R3HDM1: variants seen among roughly 807,000 people sequenced by gnomAD.
R3HDM1 encodes R3H domain containing 1.
R3HDM1 carries 46 observed loss-of-function variants against 141.1 expected under a neutral mutation model. The observed-to-expected ratio is 0.33, with a 90% confidence interval of 0.26 to 0.42. R3HDM1 has a LOEUF of 0.42. R3HDM1 is among the 10% of genes least tolerant of loss of function. The pLI is 1.00. For missense variants in R3HDM1, 1,184 were observed against 1,368.3 expected, an observed-to-expected ratio of 0.87 and a Z score of 2.12; for synonymous variants, 435 against 472.9, an observed-to-expected ratio of 0.92 and a Z score of 1.04.
At chr2:135,586,988 T>C (rs1283369287) in intron 1 of R3HDM1, 7 of 984,898 alleles carry the variant, frequency 7.1e-6, no homozygotes, top group African/African-American at 3.5e-5. Context: ...TCAAAACTCA[T>C]GGTAACGGTT....
chr2:135,701,762 A>G (rs2074234844), intron 21 of R3HDM1, among the ~76,000 whole-genome samples: 1 of 152,144 alleles, frequency 6.6e-6, no homozygotes, highest in Admixed American at 6.5e-5. Flanking sequence ...GCAATTTAAA[A>G]CTTATAAAGT....
intron 2 of R3HDM1, among the ~76,000 whole-genome samples, chr2:135,604,359 A>G (rs980671289): frequency 6.6e-6 from 1 of 152,222 alleles, no homozygotes; most frequent in Non-Finnish European, 1.5e-5. Context: ...TTCTCCAGCC[A>G]TTACCTTCTA....
intron 5 of R3HDM1, among the ~76,000 whole-genome samples, chr2:135,617,607 A>G (rs1208863434): frequency 8.5e-5 from 13 of 152,144 alleles, no homozygotes; most frequent in Admixed American, 7.9e-4. Flanking sequence ...TAGGCAAACC[A>G]TTTAGTTTGC....
rs374047043 is a variant in R3HDM1, at chr2:135,645,963, A to G, written c.1623+436A>G. Among the ~76,000 whole-genome samples, 6 of 152,318 alleles carry G rather than the reference A, an allele frequency of 3.9e-5. No individual in the cohort carries two copies. In the East Asian group the frequency reaches 1.2e-3, roughly 29 times the overall value. On this transcript the variant is annotated intron_variant, in intron 16 of 26. Coordinates refer to ENST00000683871, the MANE Select transcript of R3HDM1 (RefSeq NM_001378107.1). Reference sequence around the variant, plus strand: ...ATCCATTCTACCTACCCTATGAAAGACAAAGCAGTTCTGAGTTAGAATTCC... The same window carrying G: ...ATCCATTCTACCTACCCTATGAAAGGCAAAGCAGTTCTGAGTTAGAATTCC...
chr2:135,621,113 A>G (rs1213289279), intron 5 of R3HDM1, among the ~76,000 whole-genome samples: 2 of 152,030 alleles, frequency 1.3e-5, no homozygotes, highest in Non-Finnish European at 2.9e-5. Context: ...ATACATTCGT[A>G]TTGTCATGAT....
At chr2:135,624,411 A>AG (rs1157159510) in intron 7 of R3HDM1, among the ~76,000 whole-genome samples, 2 of 151,178 alleles carry the variant, frequency 1.3e-5, no homozygotes, top group African/African-American at 4.9e-5. Context: ...AAAAAAAAAA[A>AG]GGAAAGTGAC....
At chr2:135,718,334 T>C (rs1575248318) in intron 24 of R3HDM1, among the ~76,000 whole-genome samples, 1 of 152,218 alleles carries the variant, frequency 6.6e-6, no homozygotes, top group East Asian at 1.9e-4. Flanking sequence ...ATTGATTGTA[T>C]TGTATGTTAA....
intron 15 of R3HDM1, among the ~76,000 whole-genome samples, chr2:135,644,560 T>G (rs995617522): frequency 3.3e-5 from 5 of 152,178 alleles, no homozygotes; most frequent in Admixed American, 3.3e-4. Context: ...AAGTTTACAA[T>G]TTGAAACATG....
chr2:135,716,031 CA>C (rs1295657551), intron 24 of R3HDM1, among the ~76,000 whole-genome samples: 2 of 152,140 alleles, frequency 1.3e-5, no homozygotes, highest in African/African-American at 4.8e-5. Context: ...TAATATATAT[CA>C]AAAGTTTATC....
rs192832331 is a variant in R3HDM1 at position 135,711,950 on chromosome 2, C to T, written c.2736+1719C>T. Among the ~76,000 whole-genome samples, 19 of 114,264 alleles carry T rather than the reference C, an allele frequency of 1.7e-4. No homozygotes were observed. The East Asian group carries it at 5.0e-3, about 30-fold the overall frequency. 75.0% of individuals were successfully genotyped at this position (114,264 alleles called of 152,430 possible). On this transcript the variant is annotated intron_variant, in intron 23 of 26. Transcript: ENST00000683871. ...CTCCAGCCTGGGTGACAGAGCGAGA[C>T]TCTGTCTAAAATTAAAAAAAAAAAA... is the stretch of plus-strand genomic sequence containing the variant.
intron 21 of R3HDM1, among the ~76,000 whole-genome samples, chr2:135,707,955 A>G (rs1030558930): frequency 1.3e-5 from 2 of 152,186 alleles, no homozygotes; most frequent in African/African-American, 4.8e-5. Flanking sequence ...ACTAATTCTT[A>G]TTAACTGTCA....
intron 1 of R3HDM1, among the ~76,000 whole-genome samples, chr2:135,569,718 C>CT (rs139858819): frequency 0.01 from 1,301 of 128,232 alleles, 54 homozygotes; most frequent in African/African-American, 0.044. Context: ...ATAGTAAGCT[C>CT]TTTTTTTTTT....
intron 23 of R3HDM1, among the ~76,000 whole-genome samples, chr2:135,710,965 T>G (rs2075557501): frequency 6.6e-6 from 1 of 151,914 alleles, no homozygotes; most frequent in Admixed American, 6.6e-5. Context: ...AACTGCTCAC[T>G]TTAAAAAAAA....
chr2:135,574,998 A>G (rs1002648971), intron 1 of R3HDM1, among the ~76,000 whole-genome samples: 2 of 152,126 alleles, frequency 1.3e-5, no homozygotes, highest in African/African-American at 4.8e-5. Context: ...AAGGCATAAG[A>G]ATGGGTAAAG....
chr2:135,609,377 G>T (rs184592332), intron 3 of R3HDM1, among the ~76,000 whole-genome samples: 126 of 152,274 alleles, frequency 8.3e-4, no homozygotes, highest in African/African-American at 3.0e-3. Context: ...AAACCTGTGT[G>T]CATTAACGTC....
chr2:135,650,900 A>T (rs2065084006), intron 17 of R3HDM1: 2 of 985,316 alleles, frequency 2.0e-6, no homozygotes, highest in South Asian at 9.4e-5. Flanking sequence ...TTTTAACAAA[A>T]TGTGGTATAT....
intron 21 of R3HDM1, among the ~76,000 whole-genome samples, chr2:135,686,572 C>CA (rs1022584553): frequency 2.0e-5 from 3 of 152,022 alleles, no homozygotes; most frequent in African/African-American, 7.2e-5. Flanking sequence ...CCCATTTCTA[C>CA]AAAAAATTTA....
chr2:135,657,565 G>C (rs2066084090), intron 18 of R3HDM1, among the ~76,000 whole-genome samples: 2 of 152,128 alleles, frequency 1.3e-5, no homozygotes, highest in Admixed American at 1.3e-4. Context: ...CGGTAAACTT[G>C]AGTGATTCTT....
At chr2:135,633,542 A>G (rs2062935392) in intron 9 of R3HDM1, among the ~76,000 whole-genome samples, 1 of 152,248 alleles carries the variant, frequency 6.6e-6, no homozygotes, top group South Asian at 2.1e-4. Flanking sequence ...GTATGGGTCA[A>G]TAATATAATT....
Sources: gnomAD v4.1 joint callset for allele counts (sites outside exome capture counted in the v4.1 genomes callset) on GRCh38, gnomAD v4.1.1 for gene constraint, MANE v1.5 for transcripts, NCBI Gene and HGNC (gene_info 2026-07-23, HGNC 2026-07-21) for gene names.